The following STX2 variants were observed in gnomAD, a reference collection of about 807,000 sequenced individuals.
STX2 encodes the protein syntaxin-2.
Under a neutral mutation model 40.6 loss-of-function variants are expected in STX2, and 27 were observed. The ratio of observed to expected loss-of-function variants is 0.66; its 90% CI spans 0.49 to 0.92. The LOEUF is 0.92. Among genes scored for constraint, STX2 ranks in the 40% least tolerant of loss-of-function variants. The pLI, the probability that STX2 is intolerant of heterozygous loss-of-function variation, is 0.00. For missense variants in STX2, 328 were observed against 366.1 expected (o/e 0.90, Z 0.85); for synonymous variants, 123 against 119.1 (o/e 1.03, Z -0.22).
chr12:130,801,546 C>G, intron 6 of STX2, 58 bp from the exon 7 acceptor site: 1 of 1,468,440 alleles, frequency 6.8e-7, no homozygotes, highest in Non-Finnish European at 9.1e-7. Flanking sequence ...AAAACAAAGC[C>G]ATTTGCAACC....
At chr12:130,807,696 G>T (rs1951492774) in intron 5 of STX2, among the ~76,000 whole-genome samples, 1 of 152,214 alleles carries the variant, frequency 6.6e-6, no homozygotes, top group African/African-American at 2.4e-5. Context: ...AAATCATTTG[G>T]ATAATTCCCT....
intron 4 of STX2, among the ~76,000 whole-genome samples, chr12:130,811,175 TG>T (rs1479521431): frequency 6.6e-6 from 1 of 152,066 alleles, no homozygotes; most frequent in Non-Finnish European, 1.5e-5. Flanking sequence ...CTGGCCAACA[TG>T]GCGAAACCCC....
intron 1 of STX2, among the ~76,000 whole-genome samples, chr12:130,835,160 G>A (rs193147623): frequency 3.3e-5 from 5 of 152,366 alleles, no homozygotes; most frequent in African/African-American, 1.2e-4. Context: ...GCAGCGGCAC[G>A]CGCCTGTGGT....
intron 6 of STX2, among the ~76,000 whole-genome samples, chr12:130,804,422 C>T (rs543251442): frequency 5.9e-5 from 9 of 152,294 alleles, no homozygotes; most frequent in South Asian, 2.1e-4. Context: ...GGTCTGAAGA[C>T]GATGCCTCCG....
chr12:130,828,391 CTTTT>C (rs35993256), intron 1 of STX2, among the ~76,000 whole-genome samples: 1 of 106,526 alleles, frequency 9.4e-6, no homozygotes, highest in African/African-American at 3.7e-5. Flanking sequence ...CCACACCCGG[CTTTT>C]TTTTTTTTTT....
Position 130,826,586 on chromosome 12 carries a change from C to T in STX2, c.105+607G>A, listed in dbSNP as rs143762773. Among the ~76,000 whole-genome samples, 110 of 152,300 alleles carry T rather than the reference C, an allele frequency of 7.2e-4. 1 individual carries two copies. Among genetic ancestry groups the T allele is most frequent in the African/African-American group, 2.6e-3 (108 of 41,572 alleles). On this transcript the variant is annotated intron_variant, in intron 2 of 10. Transcript: ENST00000392373. ...TGATTTGCATTTTTCTCATTATTAA[C>T]ATTGTGATCATACTAAAAATTCCAG...
chr12:130,801,375 A>T, intron 7 of STX2, 40 bp downstream of exon 7: 1 of 1,597,874 alleles, frequency 6.3e-7, no homozygotes, highest in Non-Finnish European at 8.5e-7. Flanking sequence ...CTCTGTCTAC[A>T]GAAGAGGACA....
intron 8 of STX2, among the ~76,000 whole-genome samples, chr12:130,800,360 G>C (rs1951180331): frequency 6.6e-6 from 1 of 151,436 alleles, no homozygotes; most frequent in African/African-American, 2.4e-5. Context: ...GAGTGTAGTG[G>C]CATGATCATA....
chr12:130,808,619 C>T lies in STX2; in HGVS notation c.354+12G>A. 6.2e-7 allele frequency: 1 copy of T among 1,610,474 alleles called. No homozygotes were observed. The highest frequency in any genetic ancestry group is 1.1e-5 in the South Asian group (1 of 89,904). On this transcript the variant is annotated intron_variant, in intron 5 of 10. Transcript: ENST00000392373. ...CGACATTACTTTAATCTAAACGAGG[C>T]TGATAGCAAACCTGGGTTCTTCGTA...
intron 3 of STX2, among the ~76,000 whole-genome samples, chr12:130,814,060 G>A (rs543515922): frequency 2.3e-4 from 35 of 152,304 alleles, no homozygotes; most frequent in Admixed American, 1.6e-3. Flanking sequence ...GCACACAAGC[G>A]TGTGCTAAGT....
Position 130,801,141 on chromosome 12 carries a change from G to A in STX2, c.675+12C>T, listed in dbSNP as rs1290417530. 2 of 1,607,074 alleles carry A rather than the reference G, an allele frequency of 1.2e-6. No homozygotes were observed. The highest frequency in any genetic ancestry group is 1.7e-6 in the Non-Finnish European group (2 of 1,175,130). On this transcript the variant is annotated intron_variant, in intron 8 of 10. Coordinates refer to ENST00000392373, the MANE Select transcript of STX2 (RefSeq NM_194356.4). ...GATATCTCTCTTGGAGAATGCAAGAGTCTGTAACTACCTGAGTCTCCACAA... is the reference window on the plus strand; with the variant it reads ...GATATCTCTCTTGGAGAATGCAAGAATCTGTAACTACCTGAGTCTCCACAA...
intron 4 of STX2, among the ~76,000 whole-genome samples, chr12:130,810,288 T>C (rs1446346058): frequency 6.6e-6 from 1 of 152,178 alleles, no homozygotes. Context: ...AAAAATCCTT[T>C]CAAAAAAATT....
intron 6 of STX2, among the ~76,000 whole-genome samples, chr12:130,802,488 G>T (rs563345335): frequency 4.6e-5 from 7 of 152,058 alleles, no homozygotes; most frequent in Middle Eastern, 6.8e-3. Flanking sequence ...GTGAGCCACC[G>T]TACCCAGCCC....
intron 10 of STX2, among the ~76,000 whole-genome samples, chr12:130,795,301 T>C (rs566872447): frequency 6.6e-6 from 1 of 152,330 alleles, no homozygotes; most frequent in Non-Finnish European, 1.5e-5. Context: ...CGTTAGTGTA[T>C]TTTATAAAGT....
chr12:130,818,631 A>G (rs1008046596), intron 3 of STX2, among the ~76,000 whole-genome samples: 4 of 150,066 alleles, frequency 2.7e-5, no homozygotes, highest in African/African-American at 9.8e-5. Context: ...AAAGCACAGA[A>G]TGCACGGGAG....
At chr12:130,821,409 T>C (rs1952108402) in intron 3 of STX2, among the ~76,000 whole-genome samples, 1 of 152,322 alleles carries the variant, frequency 6.6e-6, no homozygotes, top group South Asian at 2.1e-4. Flanking sequence ...TCTTGGCCCC[T>C]AAGTTCTGTG....
At chr12:130,836,838 TCTGA>T (rs1952769894) in intron 1 of STX2, among the ~76,000 whole-genome samples, 1 of 152,208 alleles carries the variant, frequency 6.6e-6, no homozygotes, top group Non-Finnish European at 1.5e-5. Flanking sequence ...GGATATACTC[TCTGA>T]CTGCTCAGCT....
chr12:130,825,084 C>T (rs1952253053), intron 2 of STX2, among the ~76,000 whole-genome samples: 1 of 151,330 alleles, frequency 6.6e-6, no homozygotes, highest in African/African-American at 2.4e-5. Flanking sequence ...TGCCCCAAGC[C>T]GGGGTGCAGT....
Position 130,796,012 on chromosome 12 carries a change from G to A in STX2, c.*28C>T, listed in dbSNP as rs1222225629. 1 of 1,612,708 alleles carries A rather than the reference G, an allele frequency of 6.2e-7. No individual in the cohort carries two copies. Among genetic ancestry groups the A allele is most frequent in the Non-Finnish European group, 8.5e-7 (1 of 1,179,624 alleles). ...TTACTTACTCCCACCCTGGCAGAGA[G>A]GCATGCACACTGACGTTATCCACAC... On this transcript the variant is annotated 3_prime_UTR_variant, in exon 10 of 11. Coordinates refer to ENST00000392373, the MANE Select transcript of STX2 (RefSeq NM_194356.4).
Sources: allele counts gnomAD v4.1 joint callset (sites outside exome capture counted in the v4.1 genomes callset), GRCh38; gene constraint gnomAD v4.1.1; transcripts MANE v1.5; gene names NCBI Gene and HGNC (gene_info 2026-07-23, HGNC 2026-07-21).